HIBADH: variants seen among roughly 807,000 people sequenced by gnomAD.
HIBADH encodes 3-hydroxyisobutyrate dehydrogenase, mitochondrial.
Under a neutral mutation model 36.1 loss-of-function variants are expected in HIBADH, and 25 were observed. The ratio of observed to expected loss-of-function variants is 0.69; its 90% confidence interval spans 0.50 to 0.97. The LOEUF is 0.97. Among genes scored for constraint, HIBADH ranks in the 50% least tolerant of loss-of-function variants. The pLI is 0.00. For synonymous variants in HIBADH, 160 were observed against 149.5 expected, an observed-to-expected ratio of 1.07 and a Z score of -0.51; for missense variants, 421 against 418.0, an observed-to-expected ratio of 1.01 and a Z score of -0.06.
intron 6 of HIBADH, among the ~76,000 whole-genome samples, chr7:27,532,795 T>A (rs1222095469): frequency 2.6e-5 from 4 of 152,316 alleles, no homozygotes; most frequent in Non-Finnish European, 4.4e-5. Context: ...AGATCCAAGT[T>A]CACTGCATGC....
Position 27,632,384 on chromosome 7 carries a change from G to C in HIBADH, c.314C>G (p.Thr105Ser), listed in dbSNP as rs2128294655. The C allele has an allele frequency of 6.2e-7, 1 of 1,613,402 alleles. No individual in the cohort carries two copies. Among genetic ancestry groups the C allele is most frequent in the East Asian group, 2.2e-5 (1 of 44,832 alleles). ...ATAAGCTTCTATTGCATTGATACTGGTGGGCAGCATTGTAATAATTCTGTC... is the reference window on the plus strand; with the variant it reads ...ATAAGCTTCTATTGCATTGATACTGCTGGGCAGCATTGTAATAATTCTGTC... ...KADRIITMLPTSINAIEAYSG... is the reference protein window; with the variant it reads ...KADRIITMLPSSINAIEAYSG... Residue 105 changes from threonine (T) to serine (S), a missense_variant, in exon 3 of 8, where the codon ACC becomes AGC. Coordinates refer to ENST00000265395, the MANE Select transcript of HIBADH (RefSeq NM_152740.4).
chr7:27,551,512 T>C (rs981472557), intron 4 of HIBADH, among the ~76,000 whole-genome samples: 2 of 152,172 alleles, frequency 1.3e-5, no homozygotes, highest in African/African-American at 4.8e-5. Flanking sequence ...GATCTAACAG[T>C]AGGAAAGAGC....
chr7:27,605,353 G>A (rs1032497167), intron 4 of HIBADH, among the ~76,000 whole-genome samples: 5 of 151,610 alleles, frequency 3.3e-5, no homozygotes, highest in African/African-American at 1.2e-4. Flanking sequence ...AACATGAACT[G>A]CCTAATGAAT....
intron 4 of HIBADH, among the ~76,000 whole-genome samples, chr7:27,603,137 C>T (rs1425827248): frequency 6.6e-6 from 1 of 152,068 alleles, no homozygotes; most frequent in Non-Finnish European, 1.5e-5. Flanking sequence ...TGTTTTATTA[C>T]CTTGGCAGCT....
At chr7:27,639,160 T>G (rs975027848) in intron 2 of HIBADH, among the ~76,000 whole-genome samples, 1 of 152,138 alleles carries the variant, frequency 6.6e-6, no homozygotes, top group South Asian at 2.1e-4. Context: ...ATAGCACTAT[T>G]CACAATAGCA....
chr7:27,640,551 T>C (rs1785941283), intron 2 of HIBADH, among the ~76,000 whole-genome samples: 1 of 152,096 alleles, frequency 6.6e-6, no homozygotes, highest in Non-Finnish European at 1.5e-5. Context: ...ACAAACAAAA[T>C]CACTTGTAAC....
chr7:27,566,761 T>C (rs1470184091), intron 4 of HIBADH, among the ~76,000 whole-genome samples: 3 of 152,184 alleles, frequency 2.0e-5, no homozygotes, highest in African/African-American at 4.8e-5. Context: ...TTCAAAATAT[T>C]TTCTAATATC....
At chr7:27,630,654 A>C (rs924886060) in intron 3 of HIBADH, among the ~76,000 whole-genome samples, 5 of 152,248 alleles carry the variant, frequency 3.3e-5, no homozygotes, top group African/African-American at 1.2e-4. Flanking sequence ...TAACCCCAGC[A>C]CTCTAGGAGG....
At chr7:27,536,546 T>G (rs1370420377) in intron 6 of HIBADH, among the ~76,000 whole-genome samples, 1 of 152,106 alleles carries the variant, frequency 6.6e-6, no homozygotes, top group East Asian at 1.9e-4. Flanking sequence ...CATCTCTATT[T>G]TTTATCACTT....
intron 4 of HIBADH, among the ~76,000 whole-genome samples, chr7:27,543,692 T>G (rs1784192369): frequency 6.6e-6 from 1 of 152,234 alleles, no homozygotes; most frequent in African/African-American, 2.4e-5. Context: ...ATTATTCTCA[T>G]ATGTACTTTT....
intron 4 of HIBADH, among the ~76,000 whole-genome samples, chr7:27,567,270 A>C (rs1298674411): frequency 6.6e-6 from 1 of 152,112 alleles, no homozygotes; most frequent in Non-Finnish European, 1.5e-5. Flanking sequence ...GACTCTTATC[A>C]TTATGTAATG....
intron 5 of HIBADH, among the ~76,000 whole-genome samples, chr7:27,541,361 C>A (rs1411643432): frequency 6.6e-6 from 1 of 152,042 alleles, no homozygotes; most frequent in Non-Finnish European, 1.5e-5. Flanking sequence ...AGCTTTAGAT[C>A]CTTCACTTTC....
chr7:27,591,759 T>C (rs1784944004), intron 4 of HIBADH, among the ~76,000 whole-genome samples: 1 of 152,236 alleles, frequency 6.6e-6, no homozygotes, highest in Non-Finnish European at 1.5e-5. Flanking sequence ...ACAATTTACT[T>C]GTTAACCTAG....
chr7:27,530,059 T>G (rs982755941), intron 7 of HIBADH, among the ~76,000 whole-genome samples: 1 of 152,212 alleles, frequency 6.6e-6, no homozygotes, highest in African/African-American at 2.4e-5. Flanking sequence ...TAATGCACAC[T>G]TAATAGACTA....
chr7:27,620,691 A>G (rs1440310063), intron 4 of HIBADH, among the ~76,000 whole-genome samples: 2 of 152,202 alleles, frequency 1.3e-5, no homozygotes, highest in Non-Finnish European at 2.9e-5. Context: ...ATTTACCATC[A>G]TGAAAACACA....
chr7:27,649,429 T>G, intron 2 of HIBADH, 44 bp downstream of exon 2: 2 of 1,496,296 alleles, frequency 1.3e-6, no homozygotes, highest in Non-Finnish European at 1.8e-6. Context: ...TATATTCATT[T>G]TTCATTCTCA....
intron 4 of HIBADH, among the ~76,000 whole-genome samples, chr7:27,619,251 G>A (rs1327855958): frequency 2.0e-5 from 3 of 152,078 alleles, no homozygotes; most frequent in Non-Finnish European, 4.4e-5. Context: ...GCATGCAACC[G>A]TAATCAAAGC....
intron 4 of HIBADH, among the ~76,000 whole-genome samples, chr7:27,563,353 A>T (rs1784495154): frequency 1.3e-5 from 2 of 152,232 alleles, no homozygotes; most frequent in South Asian, 4.1e-4. Flanking sequence ...TCATGAATTC[A>T]GGTACAGGTT....
At position 27,638,273 on chromosome 7, in the gene HIBADH, C is replaced by T. The variant is rs536580192; in HGVS notation, c.253-5828G>A. Reference sequence around the variant, plus strand: ...GACAGAATAAAGTACAGAAACAATGCTGCACACCTATACCCATCTGATCTT... The same window carrying T: ...GACAGAATAAAGTACAGAAACAATGTTGCACACCTATACCCATCTGATCTT... On this transcript the variant is annotated intron_variant, in intron 2 of 7. Coordinates refer to ENST00000265395, the MANE Select transcript of HIBADH (RefSeq NM_152740.4). 1.4e-4 allele frequency among the ~76,000 whole-genome samples: 18 copies of T among 125,292 alleles called. No homozygotes were observed. The South Asian group carries it at 2.4e-3, about 17-fold the overall frequency. 82.2% of individuals were successfully genotyped at this position (125,292 alleles called of 152,430 possible).
Sources: allele counts gnomAD v4.1 joint callset (sites outside exome capture counted in the v4.1 genomes callset), GRCh38; gene constraint gnomAD v4.1.1; transcripts MANE v1.5; gene names NCBI Gene and HGNC (gene_info 2026-07-23, HGNC 2026-07-21).